ANOS1: variants seen among roughly 807,000 people sequenced by gnomAD.
ANOS1 encodes the protein anosmin-1.
Under a neutral mutation model 59.0 loss-of-function variants are expected in ANOS1, and 6 were observed. The ratio of observed to expected loss-of-function variants is 0.10; its 90% CI spans 0.06 to 0.20. ANOS1 has a LOEUF of 0.20. Among genes scored for constraint, ANOS1 ranks in the 10% least tolerant of loss-of-function variants. The pLI, the probability that ANOS1 is intolerant of heterozygous loss-of-function variation, is 1.00. For missense variants in ANOS1, 433 were observed against 542.3 expected, an observed-to-expected ratio of 0.80 and a Z score of 2.00; for synonymous variants, 217 against 223.4, an observed-to-expected ratio of 0.97 and a Z score of 0.25.
intron 2 of ANOS1, among the ~76,000 whole-genome samples, chrX:8,681,462 T>C (rs1484582318): frequency 2.7e-5 from 3 of 112,076 alleles, no homozygotes; most frequent in Admixed American, 9.4e-5. Flanking sequence ...GTTTGAGAGA[T>C]TGCCCAGCCT....
intron 12 of ANOS1, among the ~76,000 whole-genome samples, chrX:8,534,708 T>C (rs1929560534): frequency 9.0e-6 from 1 of 111,652 alleles, no homozygotes; most frequent in African/African-American, 3.3e-5. Context: ...TAAAATATGC[T>C]GAGGTGCCAG....
intron 5 of ANOS1, among the ~76,000 whole-genome samples, chrX:8,585,676 G>A (rs1415775720): frequency 8.9e-6 from 1 of 112,150 alleles, no homozygotes; most frequent in Non-Finnish European, 1.9e-5. Context: ...CAGCATTTGA[G>A]ATATTCAATC....
chrX:8,666,114 T>C, intron 2 of ANOS1, among the ~76,000 whole-genome samples: 1 of 111,331 alleles, frequency 9.0e-6, no homozygotes, highest in Non-Finnish European at 1.9e-5. Context: ...GAGGATCGCT[T>C]GAGGCCAGGA....
rs1041418930 is a variant in ANOS1 at position 8,675,543 on chromosome X, C to A, written c.255+24155G>T. Among the ~76,000 whole-genome samples the A allele has an allele frequency of 2.2e-4, 24 of 111,173 alleles. No homozygotes were observed. In the East Asian group the frequency reaches 3.7e-3, roughly 17 times the overall value. ...AGCTGAAAAAAGCGGTGGGTCTTAA[C>A]CACTGATACAATGCAATCATTAAGA... On this transcript the variant is annotated intron_variant, in intron 2 of 13. Coordinates refer to ENST00000262648, the MANE Select transcript of ANOS1 (RefSeq NM_000216.4).
intron 3 of ANOS1, among the ~76,000 whole-genome samples, chrX:8,603,028 C>T (rs1042021829): frequency 8.0e-5 from 9 of 111,883 alleles, no homozygotes; most frequent in Non-Finnish European, 1.7e-4. Context: ...CGTGAGCCAC[C>T]GCACCCAGCC....
At chrX:8,662,149 C>G (rs1170330138) in intron 2 of ANOS1, among the ~76,000 whole-genome samples, 4 of 111,607 alleles carry the variant, frequency 3.6e-5, no homozygotes, top group South Asian at 3.8e-4. Flanking sequence ...AGATCTCACT[C>G]CCAGCTCTGC....
At chrX:8,594,730 ATATATGTG>A (rs1395426291) in intron 4 of ANOS1, among the ~76,000 whole-genome samples, 13 of 82,687 alleles carry the variant, frequency 1.6e-4, no homozygotes, top group African/African-American at 5.3e-4. Flanking sequence ...ATATCTACAT[ATATATGTG>A]TATATATATA....
At chrX:8,659,418 CTCTTTCTTTT>C (rs1931990244) in intron 2 of ANOS1, among the ~76,000 whole-genome samples, 1 of 108,179 alleles carries the variant, frequency 9.2e-6, no homozygotes, top group African/African-American at 3.4e-5. Flanking sequence ...CTCTCTCTCT[CTCTTTCTTTT>C]TCTTTCTTTC....
chrX:8,629,517 T>C (rs1268833242), intron 2 of ANOS1, among the ~76,000 whole-genome samples: 2 of 112,016 alleles, frequency 1.8e-5, no homozygotes, highest in African/African-American at 6.5e-5. Flanking sequence ...TAGTAAACTA[T>C]GGTGCTCCCA....
At chrX:8,696,937 G>C (rs2146897042) in intron 2 of ANOS1, among the ~76,000 whole-genome samples, 1 of 112,450 alleles carries the variant, frequency 8.9e-6, no homozygotes, top group East Asian at 2.8e-4. Flanking sequence ...GTGGTGCAGG[G>C]GCTAAAGACC....
intron 2 of ANOS1, among the ~76,000 whole-genome samples, chrX:8,626,687 G>C (rs1465597097): frequency 1.8e-5 from 2 of 109,153 alleles, no homozygotes; most frequent in East Asian, 5.7e-4. Context: ...GTGAAACCCT[G>C]TCTCTACTAA....
chrX:8,713,981 A>G (rs1602040442), intron 1 of ANOS1, among the ~76,000 whole-genome samples: 2 of 111,991 alleles, frequency 1.8e-5, no homozygotes, highest in Admixed American at 1.9e-4. Context: ...CAGCTCTTAC[A>G]GGTATCTTAT....
At chrX:8,560,543 G>A (rs1055365586) in intron 8 of ANOS1, among the ~76,000 whole-genome samples, 1 of 112,471 alleles carries the variant, frequency 8.9e-6, no homozygotes, top group African/African-American at 3.2e-5. Context: ...GTGACCCTGT[G>A]CCAATAAAGT....
intron 2 of ANOS1, among the ~76,000 whole-genome samples, chrX:8,693,801 G>A (rs1006608228): frequency 2.1e-5 from 2 of 94,140 alleles, no homozygotes. Context: ...TCAGCTCCCT[G>A]CAAACTTCAC....
At chrX:8,597,658 CTTTTTTTTTTTTTT>C (rs35836743) in intron 3 of ANOS1, among the ~76,000 whole-genome samples, 10 of 25,146 alleles carry the variant, frequency 4.0e-4, no homozygotes, top group Non-Finnish European at 7.0e-4. Flanking sequence ...TTCTTTCTCC[CTTTTTTTTTTTTTT>C]TTTTTTTTTT....
chrX:8,581,770 A>AAT (rs764767562), intron 6 of ANOS1, among the ~76,000 whole-genome samples: 6 of 112,021 alleles, frequency 5.4e-5, no homozygotes, highest in Admixed American at 1.9e-4. Context: ...ACTTTTTTGA[A>AAT]ATATGTAACT....
intron 9 of ANOS1, among the ~76,000 whole-genome samples, chrX:8,545,294 G>A (rs1929753550): frequency 1.1e-5 from 1 of 95,106 alleles, no homozygotes; most frequent in African/African-American, 3.9e-5. Flanking sequence ...GAGAGAGAGA[G>A]AAAGGAAAGG....
chrX:8,632,206 C>G (rs1931500531), intron 2 of ANOS1, among the ~76,000 whole-genome samples: 1 of 112,027 alleles, frequency 8.9e-6, no homozygotes, highest in African/African-American at 3.2e-5. Context: ...AGAGGAGAAT[C>G]CCTCATCTAC....
chrX:8,699,594 G>T, intron 2 of ANOS1, 104 bp downstream of exon 2: 1 of 557,131 alleles, frequency 1.8e-6, no homozygotes, highest in Non-Finnish European at 2.9e-6. Flanking sequence ...TGGAAACTGG[G>T]CATATATGAT....
Sources: gnomAD v4.1 joint callset for allele counts (sites outside exome capture counted in the v4.1 genomes callset) on GRCh38, gnomAD v4.1.1 for gene constraint, MANE v1.5 for transcripts, NCBI Gene and HGNC (gene_info 2026-07-23, HGNC 2026-07-21) for gene names.